Variants in C9orf85 observed in about 807,000 individuals in gnomAD.
C9orf85 encodes the protein uncharacterized protein C9orf85.
C9orf85 carries 16 observed loss-of-function variants against 14.9 expected under a neutral mutation model. The observed-to-expected ratio is 1.08, with a 90% confidence interval of 0.73 to 1.63. C9orf85 has a LOEUF of 1.63. Among genes scored for constraint, C9orf85 ranks in the 40% most tolerant of loss-of-function variants. C9orf85 has a pLI of 0.00. For synonymous variants in C9orf85, 45 were observed against 56.8 expected (o/e 0.79, Z 0.93); for missense variants, 172 against 186.1 (o/e 0.92, Z 0.44).
intron 1 of C9orf85, 25 bp downstream of exon 1, chr9:71,911,861 CT>C: frequency 1.3e-6 from 2 of 1,599,082 alleles, no homozygotes; most frequent in Non-Finnish European, 1.7e-6. Context: ...GTTGCACCGT[CT>C]TTGACTCCAG....
chr9:71,936,975 T>C (rs1320423142), intron 1 of C9orf85, among the ~76,000 whole-genome samples: 2 of 152,036 alleles, frequency 1.3e-5, no homozygotes, highest in Non-Finnish European at 2.9e-5. Flanking sequence ...CCCAGGCTGG[T>C]CTCAAACTCC....
At chr9:71,954,416 G>C (rs759194450) in intron 2 of C9orf85, among the ~76,000 whole-genome samples, 1 of 152,066 alleles carries the variant, frequency 6.6e-6, no homozygotes, top group Non-Finnish European at 1.5e-5. Context: ...AGGGTTCTTG[G>C]ATCTCGTGAA....
downstream of C9orf85, among the ~76,000 whole-genome samples, chr9:71,977,470 C>T (rs1236373021): frequency 2.0e-5 from 3 of 151,952 alleles, no homozygotes; most frequent in Non-Finnish European, 4.4e-5. Flanking sequence ...ATTGATATAC[C>T]ATGTATACAA....
intron 1 of C9orf85, among the ~76,000 whole-genome samples, chr9:71,934,625 T>C (rs1043780054): frequency 6.6e-6 from 1 of 152,088 alleles, no homozygotes; most frequent in African/African-American, 2.4e-5. Flanking sequence ...TCCCAGCACT[T>C]TGGGAGGCTG....
chr9:71,911,672 G>C lies in C9orf85; in HGVS notation c.-63G>C, dbSNP rs1827487030. 2 of 1,387,002 alleles carry C rather than the reference G, an allele frequency of 1.4e-6. No homozygotes were observed. The highest frequency in any genetic ancestry group is 2.1e-6 in the Non-Finnish European group (2 of 973,318). The allele number at this position is 1,387,002 out of a possible 1,614,324, so 85.9% of individuals were successfully genotyped here. On this transcript the variant is annotated 5_prime_UTR_variant, in exon 1 of 4. Transcript: ENST00000334731. ...AAGCGTCAATTCCTGGGAGTAGTTC[G>C]TTGGTTTTCTTTCCCCTCATCCTTT...
At position 71,911,751 on chromosome 9, in the gene C9orf85, G is replaced by A; in HGVS notation, c.17G>A (p.Gly6Asp). 1 of 1,614,134 alleles carries A rather than the reference G, an allele frequency of 6.2e-7. No homozygotes were observed. The highest frequency in any genetic ancestry group is 8.5e-7 in the Non-Finnish European group (1 of 1,180,012). The stretch of plus-strand genomic sequence containing the variant: ...ATTTCGGCGATGAGCTCCCAGAAAG[G>A]CAACGTGGCTCGTTCCAGACCTCAG... MSSQK[G>D]NVARSRPQKH... Residue 6 changes from glycine (G) to aspartate (D), a missense_variant, in exon 1 of 4, where the codon GGC becomes GAC. Coordinates refer to ENST00000334731, the MANE Select transcript of C9orf85 (RefSeq NM_182505.5).
chr9:71,976,640 A>T (rs1019764009), downstream of C9orf85, among the ~76,000 whole-genome samples: 12 of 151,148 alleles, frequency 7.9e-5, no homozygotes, highest in East Asian at 2.3e-3. Context: ...CCAGCCTGGG[A>T]CACAGAGCGA....
At chr9:71,982,781 G>T (rs140727570) in exon 4 of C9orf85, 2 of 317,712 alleles carry the variant, frequency 6.3e-6, no homozygotes, top group East Asian at 1.2e-4. Context: ...GACTACAGGC[G>T]CACACCACCA....
chr9:71,917,537 G>A (rs1827680173), intron 1 of C9orf85, among the ~76,000 whole-genome samples: 1 of 152,148 alleles, frequency 6.6e-6, no homozygotes, highest in Non-Finnish European at 1.5e-5. Context: ...GTCAAAAATG[G>A]GGAAAACCTC....
chr9:71,923,955 C>T (rs1827872906), intron 1 of C9orf85, among the ~76,000 whole-genome samples: 1 of 152,196 alleles, frequency 6.6e-6, no homozygotes, highest in African/African-American at 2.4e-5. Context: ...CAAATGTTAA[C>T]CTTTAAGTCG....
rs560785878 is a variant in C9orf85, at chr9:71,959,746, T to G, written c.210-11759T>G. ...ACCTGCAAGAACCAAGAAGCTGGAC[T>G]GGATGTGAAAGATAATTTACTATAA... On this transcript the variant is annotated intron_variant, in intron 2 of 3. Coordinates refer to ENST00000334731, the MANE Select transcript of C9orf85 (RefSeq NM_182505.5). Among the ~76,000 whole-genome samples, 6 of 152,358 alleles carry G rather than the reference T, an allele frequency of 3.9e-5. No homozygotes were observed. The East Asian group carries it at 1.2e-3, about 29-fold the overall frequency.
At chr9:71,951,480 T>C (rs1822244552) in intron 2 of C9orf85, among the ~76,000 whole-genome samples, 1 of 152,142 alleles carries the variant, frequency 6.6e-6, no homozygotes, top group African/African-American at 2.4e-5. Flanking sequence ...CACCCTTAAT[T>C]AGAAGTCAGC....
chr9:71,960,705 C>A (rs1822490472), intron 2 of C9orf85, among the ~76,000 whole-genome samples: 1 of 152,028 alleles, frequency 6.6e-6, no homozygotes, highest in African/African-American at 2.4e-5. Context: ...TGCCACCATG[C>A]CTGGCTAATT....
At chr9:71,966,701 G>A (rs1317202356) in intron 2 of C9orf85, among the ~76,000 whole-genome samples, 2 of 152,200 alleles carry the variant, frequency 1.3e-5, no homozygotes, top group African/African-American at 4.8e-5. Flanking sequence ...GGCTCAGATT[G>A]TGGCAAAGCA....
intron 3 of C9orf85, 111 bp from the exon 4 acceptor site, chr9:71,972,581 T>C (rs1822904897): frequency 8.0e-6 from 6 of 751,480 alleles, no homozygotes; most frequent in Non-Finnish European, 1.2e-5. Flanking sequence ...TTATACTTAC[T>C]TCATTAGGTT....
At chr9:71,950,695 T>A (rs190977352) in intron 2 of C9orf85, among the ~76,000 whole-genome samples, 233 of 152,280 alleles carry the variant, frequency 1.5e-3, no homozygotes, top group Non-Finnish European at 2.6e-4. Flanking sequence ...GTATAAAGAT[T>A]TATTTTTCTG....
At chr9:71,912,995 C>T (rs2132235999) in intron 1 of C9orf85, among the ~76,000 whole-genome samples, 1 of 152,276 alleles carries the variant, frequency 6.6e-6, no homozygotes, top group South Asian at 2.1e-4. Flanking sequence ...GGGCCAGCAT[C>T]ACTCAGATAA....
intron 3 of C9orf85, among the ~76,000 whole-genome samples, chr9:71,971,884 G>C (rs1822879708): frequency 6.7e-6 from 1 of 149,550 alleles, no homozygotes; most frequent in South Asian, 2.1e-4. Context: ...TAAGGCAGGA[G>C]AATCGCTTGA....
intron 1 of C9orf85, among the ~76,000 whole-genome samples, chr9:71,921,930 T>C (rs531519656): frequency 7.0e-6 from 1 of 143,434 alleles, no homozygotes; most frequent in African/African-American, 2.6e-5. Context: ...ATTTTTTTTT[T>C]ATTATTATTA....
Sources: allele counts gnomAD v4.1 joint callset (sites outside exome capture counted in the v4.1 genomes callset), GRCh38; gene constraint gnomAD v4.1.1; transcripts MANE v1.5; gene names NCBI Gene and HGNC (gene_info 2026-07-23, HGNC 2026-07-21).